RSF1: variants seen among roughly 807,000 people sequenced by gnomAD.
RSF1 encodes the protein HBV pX-associated protein 8.
A neutral mutation model predicts 145.2 loss-of-function variants in RSF1; 13 were observed. That is an observed-to-expected ratio of 0.09 (90% CI 0.06 to 0.14). The LOEUF (loss-of-function observed/expected upper bound fraction) is 0.14. RSF1 is among the 10% of genes least tolerant of loss of function. The pLI, the probability that RSF1 is intolerant of heterozygous loss-of-function variation, is 1.00. For synonymous variants in RSF1, 577 were observed against 592.6 expected, an observed-to-expected ratio of 0.97 and a Z score of 0.38; for missense variants, 1,517 against 1,718.2, an observed-to-expected ratio of 0.88 and a Z score of 2.07.
At chr11:77,782,547 A>G (rs1363989987) in intron 1 of RSF1, among the ~76,000 whole-genome samples, 4 of 152,200 alleles carry the variant, frequency 2.6e-5, no homozygotes, top group Non-Finnish European at 5.9e-5. Flanking sequence ...TCTCAAAAAA[A>G]AAAAAAGAAC....
At chr11:77,704,963 C>A (rs560636612) in intron 5 of RSF1, among the ~76,000 whole-genome samples, 3 of 152,080 alleles carry the variant, frequency 2.0e-5, no homozygotes, top group Admixed American at 6.5e-5. Flanking sequence ...GTTGGTCAGG[C>A]GGGTCTCGAA....
intron 1 of RSF1, among the ~76,000 whole-genome samples, chr11:77,767,673 T>C (rs79095408): frequency 0.012 from 1,855 of 152,288 alleles, 33 homozygotes; most frequent in African/African-American, 0.043. Flanking sequence ...GTCTAGGCAA[T>C]ACAAGTCCCG....
intron 1 of RSF1, among the ~76,000 whole-genome samples, chr11:77,804,656 G>C (rs888380091): frequency 2.0e-5 from 3 of 152,130 alleles, no homozygotes; most frequent in African/African-American, 4.8e-5. Context: ...GGGAAACACA[G>C]TGAGACTCCA....
At chr11:77,821,092 A>T, upstream of RSF1, 1 of 447,678 alleles carries the variant, frequency 2.2e-6, no homozygotes, top group South Asian at 5.1e-5. Context: ...ATGGACGCAG[A>T]GGGGGCGGGG....
intron 5 of RSF1, among the ~76,000 whole-genome samples, chr11:77,724,772 G>A (rs1961013846): frequency 1.3e-5 from 2 of 152,218 alleles, no homozygotes; most frequent in African/African-American, 4.8e-5. Context: ...GTGCTCCCAT[G>A]AGAATTTAAC....
chr11:77,760,613 TAA>T (rs974089745), intron 2 of RSF1, among the ~76,000 whole-genome samples: 35 of 152,350 alleles, frequency 2.3e-4, no homozygotes, highest in African/African-American at 6.7e-4. Flanking sequence ...ATATAAAAAT[TAA>T]GAGTGTTAAT....
intron 6 of RSF1, among the ~76,000 whole-genome samples, chr11:77,700,349 CAAAAAAAAAAAA>C (rs71046906): frequency 5.3e-4 from 25 of 47,206 alleles, no homozygotes; most frequent in Admixed American, 3.5e-3. Flanking sequence ...GACTGTCTCA[CAAAAAAAAAAAA>C]AAAAAAAAAA....
At chr11:77,774,264 A>G (rs969120445) in intron 1 of RSF1, among the ~76,000 whole-genome samples, 3 of 152,180 alleles carry the variant, frequency 2.0e-5, no homozygotes, top group African/African-American at 7.2e-5. Flanking sequence ...AGCAACAGGG[A>G]GAGGGGGAGT....
At chr11:77,830,987 C>CA in the RSF1 span, among the ~76,000 whole-genome samples, 3,426 of 100,316 alleles carry the variant, frequency 0.034, 96 homozygotes, top group African/African-American at 0.08. Flanking sequence ...CAAAATATAC[C>CA]AAAAAAAAAA....
At chr11:77,753,977 C>T (rs1948090379) in intron 2 of RSF1, among the ~76,000 whole-genome samples, 1 of 152,188 alleles carries the variant, frequency 6.6e-6, no homozygotes, top group African/African-American at 2.4e-5. Flanking sequence ...AACTCCTTCC[C>T]CTAAACTGTG....
intron 8 of RSF1, among the ~76,000 whole-genome samples, chr11:77,692,850 G>C (rs1254006996): frequency 1.3e-5 from 2 of 151,830 alleles, no homozygotes; most frequent in African/African-American, 2.4e-5. Context: ...GATAATTTTT[G>C]TATTTTTAGT....
At position 77,693,492 on chromosome 11, in the gene RSF1, T is replaced by C; in HGVS notation, c.2820+15A>G. 1 of 1,525,914 alleles carries C rather than the reference T, an allele frequency of 6.6e-7. No individual in the cohort carries two copies. Among genetic ancestry groups the C allele is most frequent in the South Asian group, 1.1e-5 (1 of 88,702 alleles). 94.5% of individuals were successfully genotyped at this position (1,525,914 alleles called of 1,614,324 possible). ...CAAACTCAAAGACTAGAAAAACAAGTGGGCGGGGTCTTACATGTTGGCAAG... is the reference window on the plus strand; with the variant it reads ...CAAACTCAAAGACTAGAAAAACAAGCGGGCGGGGTCTTACATGTTGGCAAG... On this transcript the variant is annotated intron_variant, in intron 8 of 15. Coordinates refer to ENST00000308488, the MANE Select transcript of RSF1 (RefSeq NM_016578.4).
At chr11:77,765,294 T>TAG (rs1948214536) in intron 1 of RSF1, among the ~76,000 whole-genome samples, 1 of 152,196 alleles carries the variant, frequency 6.6e-6, no homozygotes, top group Non-Finnish European at 1.5e-5. Flanking sequence ...AGTTGACAGA[T>TAG]ACGACAGAAA....
At position 77,808,099 on chromosome 11, in the gene RSF1, C is replaced by T. The variant is rs1948695180; in HGVS notation, c.187+12429G>A. Among the ~76,000 whole-genome samples, 3 of 152,006 alleles carry T rather than the reference C, an allele frequency of 2.0e-5. No individual in the cohort carries two copies. In the South Asian group the frequency reaches 6.2e-4, roughly 32 times the overall value. On this transcript the variant is annotated intron_variant, in intron 1 of 15. Coordinates refer to ENST00000308488, the MANE Select transcript of RSF1 (RefSeq NM_016578.4). ...CTGTAATCCCAGCACTTTGGGAGGC[C>T]AAGGCAGGCGAATCACTTGAGGTCA...
chr11:77,672,832 G>A (rs940148050), intron 14 of RSF1, among the ~76,000 whole-genome samples: 2 of 151,986 alleles, frequency 1.3e-5, no homozygotes, highest in Non-Finnish European at 1.5e-5. Context: ...ACAGGTACCC[G>A]CCACCACATC....
At chr11:77,869,299 T>C in the RSF1 span, 1 of 164,536 alleles carries the variant, frequency 6.1e-6, no homozygotes, top group Admixed American at 6.9e-5. Context: ...ATTTCGTTTA[T>C]TTATCTCTTT....
chr11:77,838,896 G>A, the RSF1 span, among the ~76,000 whole-genome samples: 5 of 152,216 alleles, frequency 3.3e-5, no homozygotes, highest in East Asian at 3.9e-4. Flanking sequence ...GATTACAGGC[G>A]TGAGCCACCG....
chr11:77,746,995 T>C, intron 3 of RSF1, 41 bp downstream of exon 3: 1 of 1,324,090 alleles, frequency 7.6e-7, no homozygotes, highest in Non-Finnish European at 1.1e-6. Flanking sequence ...AAAAGTTAAA[T>C]TTTAAATTAA....
chr11:77,746,288 C>T (rs1947999452), intron 3 of RSF1, among the ~76,000 whole-genome samples: 1 of 152,110 alleles, frequency 6.6e-6, no homozygotes, highest in South Asian at 2.1e-4. Context: ...TCTTTTGGAT[C>T]TTGAAGACTT....
Sources: gnomAD v4.1 joint callset for allele counts (sites outside exome capture counted in the v4.1 genomes callset) on GRCh38, gnomAD v4.1.1 for gene constraint, MANE v1.5 for transcripts, NCBI Gene and HGNC (gene_info 2026-07-23, HGNC 2026-07-21) for gene names.